Variants in IDUA observed in about 807,000 individuals in gnomAD.
IDUA encodes alpha-L-iduronidase.
A neutral mutation model predicts 68.9 loss-of-function variants in IDUA; 65 were observed. The observed-to-expected ratio is 0.94, with a 90% CI of 0.77 to 1.16. The LOEUF (loss-of-function observed/expected upper bound fraction) is 1.16. Ranked by LOEUF, IDUA falls within the 50% of genes most tolerant of loss-of-function variation. IDUA has a pLI of 0.00. For missense variants in IDUA, 1,046 were observed against 938.0 expected (o/e 1.12, Z -1.50); for synonymous variants, 529 against 433.6 (o/e 1.22, Z -2.73).
At chr4:989,151 A>C in intron 2 of IDUA, 1 of 1,607,612 alleles carries the variant, frequency 6.2e-7, no homozygotes, top group Non-Finnish European at 8.5e-7. Flanking sequence ...CCCTGGTGCT[A>C]ACCGGGCCCA....
At chr4:990,385 C>T (rs1714190222) in intron 2 of IDUA, 2 of 1,556,948 alleles carry the variant, frequency 1.3e-6, no homozygotes, top group Non-Finnish European at 1.7e-6. Flanking sequence ...TGCGGTCAGG[C>T]CAGCAGGCGC....
chr4:1,000,289 G>A (rs907862099), intron 2 of IDUA, among the ~76,000 whole-genome samples: 14 of 152,358 alleles, frequency 9.2e-5, no homozygotes, highest in East Asian at 1.9e-4. Flanking sequence ...ACCAGGTCCT[G>A]CCTGGCTCCT....
In IDUA at chr4:1,002,759, C is replaced by A; in HGVS notation, c.1217C>A (p.Ser406Ter). Residue 406 changes from serine (S) to a stop codon, truncating the protein, a stop_gained, in exon 9 of 14, where the codon TCG becomes TAG. Transcript: ENST00000514224. LOFTEE classifies it high-confidence loss of function. ...LDEEQLWAEV[S>*]QAGTVLDSNH... Reference sequence around the variant, plus strand: ...GAGGAGCAGCTCTGGGCCGAAGTGTCGCAGGCCGGGACCGTCCTGGACAGC... The same window carrying A: ...GAGGAGCAGCTCTGGGCCGAAGTGTAGCAGGCCGGGACCGTCCTGGACAGC... 1 of 1,483,362 alleles carries A rather than the reference C, an allele frequency of 6.7e-7. No individual in the cohort carries two copies. Among genetic ancestry groups the A allele is most frequent in the Non-Finnish European group, 8.9e-7 (1 of 1,123,144 alleles). 91.9% of individuals were successfully genotyped at this position (1,483,362 alleles called of 1,614,324 possible).
At chr4:988,100 G>A (rs568656042) in intron 2 of IDUA, 151 bp downstream of exon 2, 276 of 1,446,958 alleles carry the variant, frequency 1.9e-4, no homozygotes, top group Non-Finnish European at 1.9e-5. Context: ...TGGCTGTGCT[G>A]GGGTGAGGGC....
intron 3 of IDUA, 89 bp downstream of exon 3, chr4:1,000,786 T>A: frequency 6.8e-7 from 1 of 1,461,130 alleles, no homozygotes; most frequent in South Asian, 1.1e-5. Flanking sequence ...AGTCCTTGGA[T>A]GTCCATTCAG....
At position 1,001,803 on chromosome 4, in the gene IDUA, GCGCCACTGCCA is replaced by G. The variant is rs1202857693; in HGVS notation, c.717_727del (p.His240ArgfsTer155). The G allele has an allele frequency of 6.2e-7, 1 of 1,604,764 alleles. No homozygotes were observed. On this transcript the variant is annotated frameshift_variant, in exon 6 of 14. Coordinates refer to ENST00000514224, the MANE Select transcript of IDUA (RefSeq NM_000203.5). LOFTEE classifies it high-confidence loss of function. ...GATCCCCGCTGAGCTGGGGCCTCCTGCGCCACTGCCACGACGGTACCAACTTCTTCACTGGG... is the reference window on the plus strand; with the variant it reads ...GATCCCCGCTGAGCTGGGGCCTCCTGCGACGGTACCAACTTCTTCACTGGG...
At chr4:999,030 C>G (rs1223441923) in intron 2 of IDUA, among the ~76,000 whole-genome samples, 1 of 152,110 alleles carries the variant, frequency 6.6e-6, no homozygotes, top group African/African-American at 2.4e-5. Context: ...TGGTGAAACT[C>G]CGTCTCTACT....
Position 1,003,555 on chromosome 4 carries a change from C to G in IDUA, c.1657C>G (p.Arg553Gly), listed in dbSNP as rs150008131. The G allele has an allele frequency of 1.2e-6, 2 of 1,611,912 alleles. No homozygotes were observed. The highest frequency in any genetic ancestry group is 2.2e-5 in the South Asian group (2 of 91,068). The change falls in exon 12 of 14, where the codon CGG becomes GGG. Residue 553 changes from arginine (R) to glycine (G), a missense_variant. By Grantham distance (125) the Arg-to-Gly change is moderately radical. Coordinates refer to ENST00000514224, the MANE Select transcript of IDUA (RefSeq NM_000203.5). ...CAGCCCTTCCCTCCCCCAGGTCACG[C>G]GGCTCCGCGCCCTGCCCCTGACCCA... is the stretch of plus-strand genomic sequence containing the variant. ...RPEKPPGQVT[R>G]LRALPLTQGQ...
intron 9 of IDUA, 26 bp from the exon 10 acceptor site, chr4:1,003,010 C>T: frequency 1.4e-6 from 2 of 1,450,370 alleles, no homozygotes; most frequent in South Asian, 1.4e-5. Context: ...CCCGGGGAGC[C>T]GAGGCCTGAG....
chr4:991,250 C>G (rs374564512), intron 2 of IDUA: 1 of 1,611,922 alleles, frequency 6.2e-7, no homozygotes, highest in African/African-American at 1.3e-5. Context: ...GGCTGCAGGC[C>G]GTCCTGGGAG....
intron 2 of IDUA, among the ~76,000 whole-genome samples, chr4:996,990 C>T (rs1036401617): frequency 4.6e-5 from 7 of 152,202 alleles, no homozygotes; most frequent in Non-Finnish European, 8.8e-5. Context: ...CCCGCCTGAA[C>T]CCCTGGCCAG....
In IDUA at chr4:1,002,713, GC is replaced by G. The variant is rs150523349; in HGVS notation, c.1190-10del. 3.9e-3 allele frequency: 5,327 copies of G among 1,358,110 alleles called. 112 individuals are homozygous for G. The African/African-American group carries it at 0.049, about 13-fold the overall frequency. 84.1% of individuals were successfully genotyped at this position (1,358,110 alleles called of 1,614,324 possible). A position where few individuals can be genotyped will look rare whatever the true frequency, so the allele number is the denominator to read the frequency against. On this transcript the variant is annotated intron_variant, in intron 8 of 13. Coordinates refer to ENST00000514224, the MANE Select transcript of IDUA (RefSeq NM_000203.5). ...TGGGCAACGACCCCACGCGGCGACG[GC>G]CCCCCCCCGCCCCGCAGATGAGGAG... is the stretch of plus-strand genomic sequence containing the variant.
Position 987,363 on chromosome 4 carries a change from C to A in IDUA, c.158+121C>A, listed in dbSNP as rs947677194. On this transcript the variant is annotated intron_variant, in intron 1 of 13. Coordinates refer to ENST00000514224, the MANE Select transcript of IDUA (RefSeq NM_000203.5). ...CCCTCCTCTGGGGCCCTGGCTCTCC[C>A]GGGCCCGCCCCCCGCCGTGTTTGTG... is the stretch of plus-strand genomic sequence containing the variant. 106 of 998,872 alleles carry A rather than the reference C, an allele frequency of 1.1e-4. 1 individual carries two copies. Among genetic ancestry groups the A allele is most frequent in the Non-Finnish European group, 1.3e-4 (91 of 705,666 alleles). 61.9% of individuals were successfully genotyped at this position (998,872 alleles called of 1,614,324 possible).
At chr4:1,001,078 A>T (rs1046784746) in intron 4 of IDUA, 89 bp downstream of exon 4, 1 of 906,768 alleles carries the variant, frequency 1.1e-6, no homozygotes, top group African/African-American at 1.6e-5. Context: ...CTGCCTGGTC[A>T]GGAGATACAT....
intron 1 of IDUA, 75 bp downstream of exon 1, chr4:987,317 A>G: frequency 7.5e-7 from 1 of 1,333,520 alleles, no homozygotes; most frequent in Admixed American, 2.2e-5. Flanking sequence ...GCGCACTGTG[A>G]GAGCTTCAGA....
chr4:989,885 C>A (rs753797505), intron 2 of IDUA: 9 of 1,569,738 alleles, frequency 5.7e-6, no homozygotes, highest in Non-Finnish European at 7.8e-6. Context: ...AAGGCGGCAG[C>A]CACGAGGGCC....
intron 2 of IDUA, among the ~76,000 whole-genome samples, chr4:995,962 G>A (rs202085186): frequency 6.4e-4 from 97 of 152,220 alleles, no homozygotes; most frequent in Non-Finnish European, 1.2e-3. Context: ...TGAGATGCGG[G>A]CAGGGCTGAA....
rs535919935 is a variant in IDUA, at chr4:997,315, C to T, written c.300-3297C>T. 5.4e-3 allele frequency among the ~76,000 whole-genome samples: 811 copies of T among 150,896 alleles called. 10 individuals are homozygous for T. Among genetic ancestry groups the T allele is most frequent in the African/African-American group, 0.018 (753 of 41,136 alleles). ...CCCCGCGCCCCCAGCCCAGCGGGCC[C>T]GGCCTCCGCCCCTGCCCCGCACTCC... is the stretch of plus-strand genomic sequence containing the variant. On this transcript the variant is annotated intron_variant, in intron 2 of 13. Coordinates refer to ENST00000514224, the MANE Select transcript of IDUA (RefSeq NM_000203.5).
Position 1,003,168 on chromosome 4 carries a change from C to A in IDUA, c.1524+11C>A, listed in dbSNP as rs762797182. 1 of 1,269,716 alleles carries A rather than the reference C, an allele frequency of 7.9e-7. No individual in the cohort carries two copies. The highest frequency in any genetic ancestry group is 9.9e-7 in the Non-Finnish European group (1 of 1,008,246). 78.7% of individuals were successfully genotyped at this position (1,269,716 alleles called of 1,614,324 possible). A position where few individuals can be genotyped will look rare whatever the true frequency, so the allele number is the denominator to read the frequency against. On this transcript the variant is annotated intron_variant, in intron 10 of 13. Transcript: ENST00000514224. ...ATGCGCGCGGCTGAGGTAGGTGGGC[C>A]GCGGAGGGGCGAGGGGCCGGGCCGG...
Sources: gnomAD v4.1 joint callset for allele counts (sites outside exome capture counted in the v4.1 genomes callset) on GRCh38, gnomAD v4.1.1 for gene constraint, MANE v1.5 for transcripts, NCBI Gene and HGNC (gene_info 2026-07-23, HGNC 2026-07-21) for gene names.